UQCC5: variants seen among roughly 807,000 people sequenced by gnomAD.
UQCC5 encodes UPF0640 protein C3orf78.
At chr3:52,536,849 C>G in the UQCC5 span, 1 of 1,551,626 alleles carries the variant, frequency 6.4e-7, no homozygotes, top group Non-Finnish European at 8.7e-7. Flanking sequence ...CTTTTTTGTC[C>G]TGGGAGGAAC....
the UQCC5 span, chr3:52,536,859 C>A: frequency 6.4e-7 from 1 of 1,551,528 alleles, no homozygotes; most frequent in East Asian, 2.4e-5. Flanking sequence ...CTGGGAGGAA[C>A]GATGGAGTGG....
At chr3:52,538,524 C>T in the UQCC5 span, among the ~76,000 whole-genome samples, 2 of 152,152 alleles carry the variant, frequency 1.3e-5, no homozygotes, top group African/African-American at 4.8e-5. Flanking sequence ...TGCAGTGGTG[C>T]GATCTTGGCT....
chr3:52,540,566 CTCTT>C, the UQCC5 span: 3 of 1,034,782 alleles, frequency 2.9e-6, no homozygotes, highest in Non-Finnish European at 4.2e-6. Flanking sequence ...CTTTTCAGAT[CTCTT>C]GTTCTGACAC....
the UQCC5 span, among the ~76,000 whole-genome samples, chr3:52,537,539 C>A: frequency 6.6e-6 from 1 of 152,230 alleles, no homozygotes; most frequent in Non-Finnish European, 1.5e-5. Flanking sequence ...ACTTGCCAAC[C>A]CACATTTTAA....
the UQCC5 span, among the ~76,000 whole-genome samples, chr3:52,539,088 A>T: frequency 1.3e-5 from 2 of 152,172 alleles, no homozygotes; most frequent in South Asian, 4.2e-4. Flanking sequence ...GGGGTGGGTG[A>T]AAAAGAGTCA....
chr3:52,540,385 T>A, the UQCC5 span: 5 of 1,401,030 alleles, frequency 3.6e-6, no homozygotes, highest in Non-Finnish European at 4.8e-6. Flanking sequence ...ATTTTAAATA[T>A]GTTTCTTAAA....
At chr3:52,541,365 T>C in the UQCC5 span, 5 of 152,208 alleles carry the variant, frequency 3.3e-5, no homozygotes, top group African/African-American at 9.6e-5. Flanking sequence ...AGTTTCAGAA[T>C]AGTTTCTAAC....
chr3:52,539,382 T>C, the UQCC5 span, among the ~76,000 whole-genome samples: 3 of 152,140 alleles, frequency 2.0e-5, 1 homozygote, highest in South Asian at 6.2e-4. Flanking sequence ...ACAGGAGGGC[T>C]GGAAAGGTAA....
At chr3:52,539,165 C>T in the UQCC5 span, among the ~76,000 whole-genome samples, 6 of 152,022 alleles carry the variant, frequency 3.9e-5, no homozygotes, top group Non-Finnish European at 8.8e-5. Flanking sequence ...ATCAGTTGGC[C>T]CCTCAGGACA....
the UQCC5 span, among the ~76,000 whole-genome samples, chr3:52,538,825 TTTG>T: frequency 0.37 from 56,909 of 151,784 alleles, 12,124 homozygotes; most frequent in Admixed American, 0.49. Context: ...ACCAGGAGGA[TTTG>T]TTATCACAGA....
chr3:52,540,438 A>G, the UQCC5 span: 1 of 1,530,164 alleles, frequency 6.5e-7, no homozygotes, highest in South Asian at 1.3e-5. Context: ...TGTCTACCGT[A>G]GAAAAGCCTC....
At chr3:52,536,669 G>T in the UQCC5 span, 7 of 1,517,616 alleles carry the variant, frequency 4.6e-6, no homozygotes, top group Non-Finnish European at 6.2e-6. Context: ...CGCGGTACAC[G>T]GCGAGAACGG....
the UQCC5 span, chr3:52,536,723 C>G: frequency 2.6e-6 from 4 of 1,551,032 alleles, no homozygotes; most frequent in East Asian, 4.9e-5. Context: ...GTGCTTAGTT[C>G]CGTCATATCC....
chr3:52,540,323 C>T, the UQCC5 span: 2 of 832,246 alleles, frequency 2.4e-6, no homozygotes, highest in African/African-American at 1.8e-5. Context: ...TGCCAAGATT[C>T]AGAAGTAGGT....
chr3:52,539,465 G>A, the UQCC5 span, among the ~76,000 whole-genome samples: 1 of 152,092 alleles, frequency 6.6e-6, no homozygotes, highest in Non-Finnish European at 1.5e-5. Context: ...AAGGTGAAGG[G>A]TACTGGAGCT....
chr3:52,537,591 C>T, the UQCC5 span, among the ~76,000 whole-genome samples: 1 of 152,240 alleles, frequency 6.6e-6, no homozygotes, highest in Non-Finnish European at 1.5e-5. Flanking sequence ...CTTAGTCCTT[C>T]TGTTCATCCA....
At chr3:52,537,551 G>T in the UQCC5 span, among the ~76,000 whole-genome samples, 28 of 152,320 alleles carry the variant, frequency 1.8e-4, no homozygotes, top group African/African-American at 6.7e-4. Context: ...ACATTTTAAA[G>T]AATTGTTACA....
the UQCC5 span, chr3:52,540,461 T>C: frequency 6.5e-7 from 1 of 1,532,998 alleles, no homozygotes; most frequent in East Asian, 2.5e-5. Flanking sequence ...AAAGACAGTA[T>C]CAGAGAAGGC....
At chr3:52,539,159 G>C in the UQCC5 span, among the ~76,000 whole-genome samples, 1 of 152,214 alleles carries the variant, frequency 6.6e-6, no homozygotes, top group Non-Finnish European at 1.5e-5. Flanking sequence ...AGAGGCATCA[G>C]TTGGCCCCTC....
Sources: gnomAD v4.1 joint callset for allele counts (sites outside exome capture counted in the v4.1 genomes callset) on GRCh38, gnomAD v4.1.1 for gene constraint, MANE v1.5 for transcripts, NCBI Gene and HGNC (gene_info 2026-07-23, HGNC 2026-07-21) for gene names.